CADPS: variants seen among roughly 807,000 people sequenced by gnomAD.
CADPS encodes the protein calcium-dependent secretion activator 1.
CADPS carries 57 observed loss-of-function variants against 167.3 expected under a neutral mutation model. That is an observed-to-expected ratio of 0.34 (90% CI 0.28 to 0.42). The LOEUF (loss-of-function observed/expected upper bound fraction) is 0.42, where lower values mean the gene tolerates loss of function less well. Ranked by LOEUF, CADPS falls within the 20% of genes least tolerant of loss-of-function variation. The probability of loss-of-function intolerance (pLI) is 1.00; values close to 1 mark genes in which losing one functional copy is unlikely to be tolerated. For missense variants in CADPS, 1,414 were observed against 1,738.1 expected (o/e 0.81, Z 3.32); for synonymous variants, 676 against 635.3 (o/e 1.06, Z -0.96).
chr3:62,561,700 G>C (rs1022042184), intron 9 of CADPS, among the ~76,000 whole-genome samples: 28 of 152,158 alleles, frequency 1.8e-4, no homozygotes, highest in Non-Finnish European at 2.8e-4. Flanking sequence ...AGATGAAAAG[G>C]TTAGACTTTT....
At chr3:62,553,001 T>C (rs901962272) in intron 10 of CADPS, among the ~76,000 whole-genome samples, 1 of 152,030 alleles carries the variant, frequency 6.6e-6, no homozygotes, top group Non-Finnish European at 1.5e-5. Context: ...GAAGAAGAGC[T>C]CTGAGAGTTG....
chr3:62,589,112 C>A (rs1168522756), intron 7 of CADPS, among the ~76,000 whole-genome samples: 1 of 152,128 alleles, frequency 6.6e-6, no homozygotes, highest in Non-Finnish European at 1.5e-5. Flanking sequence ...CAAAACATAA[C>A]CCTAAAGAAA....
At chr3:62,867,409 T>A (rs1389729191) in intron 1 of CADPS, among the ~76,000 whole-genome samples, 1 of 152,086 alleles carries the variant, frequency 6.6e-6, no homozygotes, top group Non-Finnish European at 1.5e-5. Context: ...ATTTAAAATA[T>A]CTCCTATGAA....
chr3:62,871,895 G>A (rs2082696607), intron 1 of CADPS, among the ~76,000 whole-genome samples: 2 of 152,102 alleles, frequency 1.3e-5, no homozygotes, highest in Admixed American at 6.5e-5. Flanking sequence ...ATTGAAAGCT[G>A]TTCAGAAAGA....
chr3:62,588,101 TCTC>T (rs2085056276), intron 7 of CADPS, among the ~76,000 whole-genome samples: 1 of 152,142 alleles, frequency 6.6e-6, no homozygotes, highest in African/African-American at 2.4e-5. Flanking sequence ...AGCCGTGGCT[TCTC>T]CTAGTTGCCT....
At chr3:62,503,797 A>C (rs2066169196) in intron 17 of CADPS, among the ~76,000 whole-genome samples, 1 of 152,228 alleles carries the variant, frequency 6.6e-6, no homozygotes. Flanking sequence ...CAGCACAGCA[A>C]ACATCCTATA....
chr3:62,594,066 T>G (rs2086684242), intron 6 of CADPS, among the ~76,000 whole-genome samples: 1 of 152,184 alleles, frequency 6.6e-6, no homozygotes, highest in African/African-American at 2.4e-5. Context: ...TTAGAGAACT[T>G]TTTCATTTTA....
At chr3:62,623,330 T>A (rs1026024370) in intron 6 of CADPS, among the ~76,000 whole-genome samples, 5 of 152,032 alleles carry the variant, frequency 3.3e-5, no homozygotes, top group Non-Finnish European at 5.9e-5. Flanking sequence ...GAAACTTAGA[T>A]CAAGGAGACA....
At chr3:62,873,986 G>T (rs937692215) in intron 1 of CADPS, among the ~76,000 whole-genome samples, 1 of 152,218 alleles carries the variant, frequency 6.6e-6, no homozygotes, top group African/African-American at 2.4e-5. Context: ...GCTGACCCGG[G>T]CAGGGAGAGG....
At chr3:62,762,564 G>A (rs187393151) in intron 2 of CADPS, among the ~76,000 whole-genome samples, 24 of 151,388 alleles carry the variant, frequency 1.6e-4, no homozygotes, top group African/African-American at 4.8e-4. Flanking sequence ...GCTGAGGAGG[G>A]AGGATCACTT....
At chr3:62,566,193 T>C (rs1194256501) in intron 9 of CADPS, among the ~76,000 whole-genome samples, 3 of 152,218 alleles carry the variant, frequency 2.0e-5, no homozygotes, top group African/African-American at 7.2e-5. Flanking sequence ...CCTCCAAGGC[T>C]GCCTGGGAGC....
At chr3:62,526,231 G>A (rs958082406) in intron 13 of CADPS, among the ~76,000 whole-genome samples, 8 of 152,072 alleles carry the variant, frequency 5.3e-5, no homozygotes, top group African/African-American at 7.2e-5. Context: ...CAAATACATC[G>A]CCCAAAAGAA....
At chr3:62,828,173 T>C (rs2074405621) in intron 1 of CADPS, among the ~76,000 whole-genome samples, 1 of 152,166 alleles carries the variant, frequency 6.6e-6, no homozygotes, top group Non-Finnish European at 1.5e-5. Context: ...CTCTGGGAGT[T>C]AAACCCTCCA....
chr3:62,740,194 C>T (rs576265), intron 3 of CADPS, among the ~76,000 whole-genome samples: 57,414 of 151,978 alleles, frequency 0.38, 11,155 homozygotes, highest in South Asian at 0.48. Flanking sequence ...ATTTGTATCA[C>T]GCAGAGGCCC....
intron 3 of CADPS, among the ~76,000 whole-genome samples, chr3:62,700,229 T>G (rs1273084080): frequency 6.6e-6 from 1 of 152,138 alleles, no homozygotes; most frequent in African/African-American, 2.4e-5. Context: ...TTGATGGTCT[T>G]CCCTTCAAGA....
At chr3:62,856,642 T>G (rs917458422) in intron 1 of CADPS, among the ~76,000 whole-genome samples, 1 of 151,920 alleles carries the variant, frequency 6.6e-6, no homozygotes, top group Non-Finnish European at 1.5e-5. Flanking sequence ...AAGAGAAAAT[T>G]AGATCAATGG....
chr3:62,748,918 C>A (rs755361138), intron 3 of CADPS, among the ~76,000 whole-genome samples: 4 of 152,100 alleles, frequency 2.6e-5, no homozygotes, highest in Non-Finnish European at 5.9e-5. Flanking sequence ...TGGTCTAAAA[C>A]CCTTGGACTC....
At chr3:62,754,252 A>T (rs1433646312) in intron 2 of CADPS, among the ~76,000 whole-genome samples, 1 of 152,188 alleles carries the variant, frequency 6.6e-6, no homozygotes, top group Non-Finnish European at 1.5e-5. Context: ...AGCTCACTGT[A>T]ACCTCCACCT....
chr3:62,610,215 T>C (rs1457091790), intron 6 of CADPS, among the ~76,000 whole-genome samples: 4 of 152,000 alleles, frequency 2.6e-5, no homozygotes, highest in Admixed American at 2.0e-4. Context: ...CTTTCCCTTC[T>C]TTCTTTCTTT....
Sources: gnomAD v4.1 joint callset for allele counts (sites outside exome capture counted in the v4.1 genomes callset) on GRCh38, gnomAD v4.1.1 for gene constraint, MANE v1.5 for transcripts, NCBI Gene and HGNC (gene_info 2026-07-23, HGNC 2026-07-21) for gene names.